DSCAM: variants seen among roughly 807,000 people sequenced by gnomAD.
The protein encoded by DSCAM is DS cell adhesion molecule.
Under a neutral mutation model 217.7 loss-of-function variants are expected in DSCAM, and 47 were observed. That is an observed-to-expected ratio of 0.22 (90% CI 0.17 to 0.28). DSCAM has a LOEUF of 0.28. Ranked by LOEUF, DSCAM falls within the 10% of genes least tolerant of loss-of-function variation. The pLI is 1.00. For synonymous variants in DSCAM, 1,056 were observed against 1,015.3 expected (o/e 1.04, Z -0.76); for missense variants, 2,080 against 2,618.3 (o/e 0.79, Z 4.49).
intron 3 of DSCAM, among the ~76,000 whole-genome samples, chr21:40,588,855 CTT>C (rs1352603510): frequency 6.6e-6 from 1 of 152,048 alleles, no homozygotes; most frequent in Non-Finnish European, 1.5e-5. Flanking sequence ...AAAAGAAAAA[CTT>C]TATTCTCATT....
rs538208184 is a variant in DSCAM, at chr21:40,165,443, A to G, written c.3018+1775T>C. On this transcript the variant is annotated intron_variant, in intron 16 of 32. Transcript: ENST00000400454. ...ACAGGCCATGCCACAAAGGCCCACTACAGAGATAGATTGCACTCCTCCATG... is the reference window on the plus strand; with the variant it reads ...ACAGGCCATGCCACAAAGGCCCACTGCAGAGATAGATTGCACTCCTCCATG... Among the ~76,000 whole-genome samples the G allele has an allele frequency of 4.5e-4, 68 of 152,344 alleles. 3 individuals carry two copies. In the South Asian group the frequency reaches 0.013, roughly 29 times the overall value.
intron 3 of DSCAM, among the ~76,000 whole-genome samples, chr21:40,613,014 C>T (rs2089336718): frequency 6.6e-6 from 1 of 152,122 alleles, no homozygotes; most frequent in Non-Finnish European, 1.5e-5. Flanking sequence ...GTATTGGTGG[C>T]CACTTGACCA....
intron 3 of DSCAM, among the ~76,000 whole-genome samples, chr21:40,448,478 C>T (rs1254994007): frequency 1.3e-5 from 2 of 152,140 alleles, no homozygotes; most frequent in African/African-American, 2.4e-5. Context: ...TCCCCTGGTT[C>T]TCAAATCTTG....
intron 3 of DSCAM, among the ~76,000 whole-genome samples, chr21:40,373,839 C>T (rs1235340610): frequency 4.6e-5 from 7 of 152,186 alleles, no homozygotes; most frequent in Non-Finnish European, 8.8e-5. Context: ...CCCTTTCCAG[C>T]TGTGTGGCCT....
intron 11 of DSCAM, among the ~76,000 whole-genome samples, chr21:40,235,792 C>T (rs989174744): frequency 6.6e-6 from 1 of 152,098 alleles, no homozygotes; most frequent in Non-Finnish European, 1.5e-5. Context: ...AAATCAGGTC[C>T]CTTTACACTG....
intron 32 of DSCAM, among the ~76,000 whole-genome samples, chr21:40,022,615 C>T (rs755517481): frequency 6.4e-4 from 97 of 152,250 alleles, no homozygotes; most frequent in Non-Finnish European, 6.0e-4. Flanking sequence ...CATTGGCACC[C>T]GCTGAGGCAG....
At position 40,305,477 on chromosome 21, in the gene DSCAM, T is replaced by A. The variant is rs570083609; in HGVS notation, c.2062+6604A>T. Among the ~76,000 whole-genome samples the A allele has an allele frequency of 3.0e-3, 449 of 152,160 alleles. 1 individual carries two copies. The highest frequency in any genetic ancestry group is 5.2e-3 in the Non-Finnish European group (355 of 67,988). On this transcript the variant is annotated intron_variant, in intron 9 of 32. Coordinates refer to ENST00000400454, the MANE Select transcript of DSCAM (RefSeq NM_001389.5). ...CCATTTGTCAATTCTGGCTTTTGTT[T>A]CCATTGCTTTTGGTGTTTTAGACAT...
At chr21:40,182,981 C>CA (rs1555886814) in intron 14 of DSCAM, among the ~76,000 whole-genome samples, 80 of 710 alleles carry the variant, frequency 0.11, 5 homozygotes, top group Admixed American at 0.16. Flanking sequence ...AAACCGTGGA[C>CA]GGGGGGGGTT....
rs75004580 is a variant in DSCAM at position 40,180,593 on chromosome 21, G to A, written c.2780-1499C>T. ...CAGAGAGAAAGCCAGACCTTCTGCA[G>A]AGATGTTTAGGAGGATGAGGAGGAA... On this transcript the variant is annotated intron_variant, in intron 14 of 32. Transcript: ENST00000400454. Among the ~76,000 whole-genome samples the A allele has an allele frequency of 2.8e-3, 429 of 152,222 alleles. 2 individuals carry two copies. The highest frequency in any genetic ancestry group is 4.7e-3 in the Non-Finnish European group (318 of 68,020).
chr21:40,369,397 T>TGTGTGC, intron 3 of DSCAM, 152 bp from the exon 4 acceptor site: 1 of 553,538 alleles, frequency 1.8e-6, no homozygotes, highest in Non-Finnish European at 3.0e-6. Context: ...TGTGTGTGTG[T>TGTGTGC]GTGTGTGTGT....
At chr21:40,490,912 T>C (rs2076071358) in intron 3 of DSCAM, among the ~76,000 whole-genome samples, 1 of 152,186 alleles carries the variant, frequency 6.6e-6, no homozygotes, top group African/African-American at 2.4e-5. Flanking sequence ...GGCAAAATAA[T>C]TAATTAAAAC....
intron 32 of DSCAM, among the ~76,000 whole-genome samples, chr21:40,022,599 T>C (rs1373844555): frequency 6.6e-6 from 1 of 152,160 alleles, no homozygotes; most frequent in Non-Finnish European, 1.5e-5. Flanking sequence ...CCCCCAGGTC[T>C]TTCTCCATTG....
chr21:40,696,082 C>CA (rs10718357), intron 2 of DSCAM, among the ~76,000 whole-genome samples: 6,634 of 143,366 alleles, frequency 0.046, 184 homozygotes, highest in East Asian at 0.12. Context: ...GAGATGCAGG[C>CA]AAAAAAAAAA....
chr21:40,030,847 G>A (rs1419688874), intron 32 of DSCAM, among the ~76,000 whole-genome samples: 2 of 152,136 alleles, frequency 1.3e-5, no homozygotes, highest in Non-Finnish European at 2.9e-5. Context: ...CCTGTTCTGA[G>A]GGGTTCTCAA....
intron 3 of DSCAM, among the ~76,000 whole-genome samples, chr21:40,543,440 C>A (rs1568892197): frequency 6.6e-6 from 1 of 152,166 alleles, no homozygotes; most frequent in African/African-American, 2.4e-5. Context: ...TGACCCAGAA[C>A]CAGAATCTGG....
At chr21:40,060,424 T>A (rs1169317730) in intron 28 of DSCAM, among the ~76,000 whole-genome samples, 1 of 152,190 alleles carries the variant, frequency 6.6e-6, no homozygotes, top group Admixed American at 6.5e-5. Context: ...TTTCACAGCC[T>A]CTGGACAAAG....
Position 40,487,322 on chromosome 21 carries a change from TGTGTGAGAGAGAGAGAGA to T in DSCAM, c.509-118095_509-118078del, listed in dbSNP as rs1484855058. Among the ~76,000 whole-genome samples, 361 of 138,432 alleles carry T rather than the reference TGTGTGAGAGAGAGAGAGA, an allele frequency of 2.6e-3. 3 individuals are homozygous for T. The highest frequency in any genetic ancestry group is 8.8e-3 in the African/African-American group (310 of 35,292). The allele number at this position is 138,432 out of a possible 152,430, so 90.8% of individuals were successfully genotyped here. On this transcript the variant is annotated intron_variant, in intron 3 of 32. Transcript: ENST00000400454. ...GTGCGTGCGTGTGTGTGTGTGTGTG[TGTGTGAGAGAGAGAGAGA>T]GAGAGAGAGAGAGAGAGACTGCCTG...
At chr21:40,425,669 CAAAAAAAAA>C (rs34174337) in intron 3 of DSCAM, among the ~76,000 whole-genome samples, 16 of 68,998 alleles carry the variant, frequency 2.3e-4, no homozygotes, top group Admixed American at 1.1e-3. Flanking sequence ...ACTCGGTGTC[CAAAAAAAAA>C]AAAAAAAAAA....
intron 3 of DSCAM, among the ~76,000 whole-genome samples, chr21:40,671,637 C>G (rs972495238): frequency 7.2e-6 from 1 of 138,238 alleles, no homozygotes; most frequent in Admixed American, 7.8e-5. Context: ...TGCAGTGAGC[C>G]GAGATTGCAC....
Sources: allele counts gnomAD v4.1 joint callset (sites outside exome capture counted in the v4.1 genomes callset), GRCh38; gene constraint gnomAD v4.1.1; transcripts MANE v1.5; gene names NCBI Gene and HGNC (gene_info 2026-07-23, HGNC 2026-07-21).